Variants in MGRN1 observed in about 807,000 individuals in gnomAD.
MGRN1 encodes mahogunin ring finger 1.
In MGRN1, 29 loss-of-function variants were observed where a neutral mutation model predicts 69.2. The ratio of observed to expected loss-of-function variants is 0.42; its 90% CI spans 0.31 to 0.57. The LOEUF is 0.57. Ranked by LOEUF, MGRN1 falls within the 20% of genes least tolerant of loss-of-function variation. MGRN1 has a pLI of 0.15. For synonymous variants in MGRN1, 470 were observed against 344.2 expected, an observed-to-expected ratio of 1.37 and a Z score of -4.04; for missense variants, 998 against 796.2, an observed-to-expected ratio of 1.25 and a Z score of -3.05.
chr16:4,661,613 C>A (rs931555300), intron 5 of MGRN1, among the ~76,000 whole-genome samples: 5 of 152,256 alleles, frequency 3.3e-5, no homozygotes, highest in Admixed American at 6.5e-5. Context: ...TGGCCCTGGG[C>A]CAGTGCCCTG....
rs1270601246 is a variant in MGRN1, at chr16:4,624,826, G to A, written c.-135G>A. The A allele has an allele frequency of 1.6e-5, 10 of 608,992 alleles. No individual in the cohort carries two copies. The highest frequency in any genetic ancestry group is 2.4e-5 in the Non-Finnish European group (10 of 411,552). 37.7% of individuals were successfully genotyped at this position (608,992 alleles called of 1,614,324 possible). On this transcript the variant is annotated 5_prime_UTR_variant, in exon 1 of 17. Coordinates refer to ENST00000262370, the MANE Select transcript of MGRN1 (RefSeq NM_015246.4). ...TCGGTCCCCGGGCCGAGCCGGGGGT[G>A]GGGGCTCGAGGCGCCTCCGCGGCCG...
intron 4 of MGRN1, among the ~76,000 whole-genome samples, chr16:4,655,589 C>T (rs1432691881): frequency 6.6e-6 from 1 of 152,076 alleles, no homozygotes; most frequent in East Asian, 1.9e-4. Context: ...TCTCTCAGGA[C>T]CTGGTACGAG....
chr16:4,624,933 G>T lies in MGRN1; in HGVS notation c.-28G>T, dbSNP rs372197098. 4.4e-5 allele frequency: 66 copies of T among 1,514,144 alleles called. 1 individual carries two copies. The Middle Eastern group carries it at 8.5e-4, about 20-fold the overall frequency. 93.8% of individuals were successfully genotyped at this position (1,514,144 alleles called of 1,614,324 possible). ...TGTCGCCGCTCCCGTTCCGGCCCTG[G>T]CCCCTCTGCCCGGCAGCGCCGCGCA... On this transcript the variant is annotated 5_prime_UTR_variant, in exon 1 of 17. Transcript: ENST00000262370.
intron 5 of MGRN1, among the ~76,000 whole-genome samples, chr16:4,661,359 C>T (rs1371648701): frequency 6.6e-6 from 1 of 152,236 alleles, no homozygotes; most frequent in Admixed American, 6.5e-5. Flanking sequence ...CCACCTTTCG[C>T]ACCCTTTTCT....
chr16:4,686,937 G>T, intron 16 of MGRN1: 1 of 985,478 alleles, frequency 1.0e-6, no homozygotes, highest in Non-Finnish European at 1.2e-6. Flanking sequence ...GTCCGTCCTC[G>T]AGGGGCCCTC....
At chr16:4,674,083 C>A (rs147966465) in intron 10 of MGRN1, among the ~76,000 whole-genome samples, 2 of 152,002 alleles carry the variant, frequency 1.3e-5, no homozygotes, top group African/African-American at 4.8e-5. Flanking sequence ...CTCCTGAGTT[C>A]AAGCAATTCT....
chr16:4,636,268 CT>C (rs59089273), intron 1 of MGRN1, among the ~76,000 whole-genome samples: 72 of 152,134 alleles, frequency 4.7e-4, no homozygotes, highest in African/African-American at 1.7e-3. Flanking sequence ...AACCACCCCC[CT>C]GACTTCCTCC....
chr16:4,662,092 C>A (rs1489117322), intron 5 of MGRN1, among the ~76,000 whole-genome samples: 1 of 152,172 alleles, frequency 6.6e-6, no homozygotes, highest in Admixed American at 6.5e-5. Context: ...TGATGTTTGT[C>A]CCCGTCCCCT....
intron 5 of MGRN1, among the ~76,000 whole-genome samples, chr16:4,663,821 G>T (rs972302741): frequency 1.3e-5 from 2 of 152,210 alleles, no homozygotes; most frequent in African/African-American, 4.8e-5. Flanking sequence ...TGGGCTGACT[G>T]CTGGGGCCCT....
At chr16:4,669,122 T>G (rs1368686999) in intron 8 of MGRN1, 1 of 152,302 alleles carries the variant, frequency 6.6e-6, no homozygotes, top group Non-Finnish European at 1.5e-5. Context: ...TAGGCTACCC[T>G]TGCTGCTGCC....
At chr16:4,645,289 C>T (rs181837595) in intron 1 of MGRN1, among the ~76,000 whole-genome samples, 30 of 152,100 alleles carry the variant, frequency 2.0e-4, no homozygotes, top group African/African-American at 7.0e-4. Context: ...CAGTGAGTGT[C>T]CTGAGTAGCT....
intron 10 of MGRN1, chr16:4,677,062 C>A (rs1220271651): frequency 6.1e-6 from 1 of 163,980 alleles, no homozygotes; most frequent in Admixed American, 6.3e-5. Context: ...CAGCCTGGAG[C>A]TTCAGGGGTG....
At chr16:4,642,500 G>GTGTGTGTGTGTGTGTT (rs925961228) in intron 1 of MGRN1, among the ~76,000 whole-genome samples, 5 of 150,188 alleles carry the variant, frequency 3.3e-5, no homozygotes, top group African/African-American at 1.2e-4. Flanking sequence ...GTGTGTGTGT[G>GTGTGTGTGTGTGTGTT]TTTTTAGTAG....
At chr16:4,638,632 G>A (rs1384027130) in intron 1 of MGRN1, among the ~76,000 whole-genome samples, 1 of 152,196 alleles carries the variant, frequency 6.6e-6, no homozygotes, top group Non-Finnish European at 1.5e-5. Context: ...CACCCCCTCT[G>A]GCCTCCCACC....
intron 5 of MGRN1, among the ~76,000 whole-genome samples, chr16:4,658,547 A>C (rs1210104355): frequency 6.6e-6 from 1 of 151,072 alleles, no homozygotes; most frequent in Non-Finnish European, 1.5e-5. Context: ...GAAAAAAAAA[A>C]AACAATGTAG....
chr16:4,681,817 T>A, intron 13 of MGRN1, 41 bp downstream of exon 13: 1 of 1,578,074 alleles, frequency 6.3e-7, no homozygotes, highest in Non-Finnish European at 8.6e-7. Context: ...GGGTGTGTGG[T>A]GGCGCGCGTG....
intron 1 of MGRN1, among the ~76,000 whole-genome samples, chr16:4,642,466 TTGTG>T (rs143119735): frequency 8.8e-4 from 125 of 141,790 alleles, no homozygotes; most frequent in African/African-American, 1.1e-3. Context: ...GCCAGCTAAT[TTGTG>T]TGTGTGTGTG....
intron 11 of MGRN1, 141 bp from the exon 12 acceptor site, chr16:4,679,891 G>C: frequency 1.3e-6 from 1 of 791,060 alleles, no homozygotes; most frequent in South Asian, 1.7e-5. Context: ...ACTTAGGACA[G>C]TCCCGAGATT....
At chr16:4,655,104 C>T (rs2078503129) in intron 4 of MGRN1, among the ~76,000 whole-genome samples, 1 of 152,172 alleles carries the variant, frequency 6.6e-6, no homozygotes, top group Non-Finnish European at 1.5e-5. Flanking sequence ...GTGTTTGACA[C>T]CCACGGGGCC....
Sources: gnomAD v4.1 joint callset for allele counts (sites outside exome capture counted in the v4.1 genomes callset) on GRCh38, gnomAD v4.1.1 for gene constraint, MANE v1.5 for transcripts, NCBI Gene and HGNC (gene_info 2026-07-23, HGNC 2026-07-21) for gene names.